Variants in PHF24 observed in about 807,000 individuals in gnomAD.
The protein encoded by PHF24 is Galpha inhibitory interacting protein.
In PHF24, 25 loss-of-function variants were observed where a neutral mutation model predicts 42.6. The ratio of observed to expected loss-of-function variants is 0.59; its 90% CI spans 0.43 to 0.82. The LOEUF (loss-of-function observed/expected upper bound fraction) is 0.82. Among genes scored for constraint, PHF24 ranks in the 40% least tolerant of loss-of-function variants. The pLI is 0.00. For missense variants in PHF24, 470 were observed against 538.1 expected (o/e 0.87, Z 1.25); for synonymous variants, 185 against 204.8 (o/e 0.90, Z 0.83).
chr9:34,819,231 T>C, the PHF24 span, among the ~76,000 whole-genome samples: 1 of 152,046 alleles, frequency 6.6e-6, no homozygotes, highest in Non-Finnish European at 1.5e-5. Context: ...AAAGAATCAG[T>C]TTCTGATTTC....
the PHF24 span, among the ~76,000 whole-genome samples, chr9:34,905,052 T>G: frequency 8.6e-5 from 13 of 152,008 alleles, no homozygotes; most frequent in Non-Finnish European, 1.9e-4. Context: ...CACTATAAAT[T>G]AGTAAATTAG....
the PHF24 span, among the ~76,000 whole-genome samples, chr9:34,860,461 T>A: frequency 6.6e-6 from 1 of 152,358 alleles, no homozygotes; most frequent in South Asian, 2.1e-4. Context: ...ACCAACCTGA[T>A]AAATGCTGTT....
At chr9:34,735,187 G>A in the PHF24 span, among the ~76,000 whole-genome samples, 1 of 144,548 alleles carries the variant, frequency 6.9e-6, no homozygotes, top group Non-Finnish European at 1.5e-5. Context: ...CAGGGCTGGA[G>A]TGCAATGGTT....
At chr9:34,812,246 A>G in the PHF24 span, among the ~76,000 whole-genome samples, 17 of 152,114 alleles carry the variant, frequency 1.1e-4, 1 homozygote, top group Admixed American at 2.0e-4. Flanking sequence ...ACACAATGAG[A>G]TATTACCTCA....
chr9:34,886,979 T>A, the PHF24 span, among the ~76,000 whole-genome samples: 1 of 152,078 alleles, frequency 6.6e-6, no homozygotes, highest in Non-Finnish European at 1.5e-5. Flanking sequence ...ACAATACAAA[T>A]GTGAACTCCT....
chr9:34,925,660 A>C, the PHF24 span, among the ~76,000 whole-genome samples: 1 of 151,928 alleles, frequency 6.6e-6, no homozygotes, highest in Admixed American at 6.6e-5. Flanking sequence ...CTCTTGTTGA[A>C]GTTCTTATTC....
At chr9:34,895,719 A>G in the PHF24 span, 6 of 404,556 alleles carry the variant, frequency 1.5e-5, no homozygotes, top group Non-Finnish European at 4.4e-6. Context: ...GTAGGGCTCA[A>G]CATGATCTAA....
At chr9:34,886,746 A>ATCTGTCTGTCTGTCTGTCTGTCTG in the PHF24 span, among the ~76,000 whole-genome samples, 1 of 119,882 alleles carries the variant, frequency 8.3e-6, no homozygotes, top group Admixed American at 8.8e-5. Flanking sequence ...ATATCTATCT[A>ATCTGTCTGTCTGTCTGTCTGTCTG]TCTATCTATC....
At chr9:34,824,753 T>C in the PHF24 span, among the ~76,000 whole-genome samples, 6 of 152,330 alleles carry the variant, frequency 3.9e-5, no homozygotes, top group South Asian at 2.1e-4. Context: ...GGTTGTTTGC[T>C]GTTTCTGGGT....
the PHF24 span, among the ~76,000 whole-genome samples, chr9:34,733,630 A>G: frequency 6.6e-6 from 1 of 151,778 alleles, no homozygotes; most frequent in African/African-American, 2.4e-5. Context: ...CCTCCCTAGT[A>G]GCTGGGATCA....
chr9:34,724,520 G>A, the PHF24 span: 2 of 1,551,312 alleles, frequency 1.3e-6, no homozygotes, highest in Non-Finnish European at 8.7e-7. Context: ...TGCCCTAATG[G>A]GAATTCCCCA....
At chr9:34,842,083 TGC>T in the PHF24 span, among the ~76,000 whole-genome samples, 1 of 152,246 alleles carries the variant, frequency 6.6e-6, no homozygotes, top group Non-Finnish European at 1.5e-5. Flanking sequence ...AACGTAATCA[TGC>T]AGTATGTATA....
chr9:34,687,997 T>A, the PHF24 span, among the ~76,000 whole-genome samples: 1 of 152,290 alleles, frequency 6.6e-6, no homozygotes, highest in East Asian at 1.9e-4. Flanking sequence ...TTGCAGCTTT[T>A]CTTGAAAACT....
At chr9:34,709,100 G>A in the PHF24 span, 1 of 512,838 alleles carries the variant, frequency 1.9e-6, no homozygotes, top group Non-Finnish European at 3.4e-6. Context: ...ATCAGGTCCA[G>A]GGTCCTGATG....
the PHF24 span, among the ~76,000 whole-genome samples, chr9:34,951,261 A>T: frequency 6.6e-6 from 1 of 152,266 alleles, no homozygotes; most frequent in South Asian, 2.1e-4. Context: ...TAGGCAGAAT[A>T]ATGGTCCCTC....
chr9:34,873,284 C>T, the PHF24 span, among the ~76,000 whole-genome samples: 2 of 152,054 alleles, frequency 1.3e-5, no homozygotes, highest in Non-Finnish European at 2.9e-5. Context: ...TTGCCCATGC[C>T]TATGTCCTGA....
chr9:34,910,308 C>A, the PHF24 span, among the ~76,000 whole-genome samples: 1 of 151,924 alleles, frequency 6.6e-6, no homozygotes, highest in African/African-American at 2.4e-5. Flanking sequence ...CTCCTTTTTT[C>A]CCCTCTCTTG....
chr9:34,741,798 T>C, the PHF24 span, among the ~76,000 whole-genome samples: 1 of 152,228 alleles, frequency 6.6e-6, no homozygotes, highest in Non-Finnish European at 1.5e-5. Context: ...ACTGTCCTTG[T>C]GAAGAATTAG....
the PHF24 span, chr9:34,892,908 C>T: frequency 1.4e-6 from 1 of 690,240 alleles, no homozygotes; most frequent in Admixed American, 2.1e-5. Context: ...GTTACAGATG[C>T]CAGTGAAAGC....
Sources: allele counts gnomAD v4.1 joint callset (sites outside exome capture counted in the v4.1 genomes callset), GRCh38; gene constraint gnomAD v4.1.1; transcripts MANE v1.5; gene names NCBI Gene and HGNC (gene_info 2026-07-23, HGNC 2026-07-21).